Variants in TUSC3 observed in about 807,000 individuals in gnomAD.
TUSC3 encodes tumor suppressor candidate 3.
Under a neutral mutation model 44.8 loss-of-function variants are expected in TUSC3, and 45 were observed. The ratio of observed to expected loss-of-function variants is 1.00; its 90% CI spans 0.79 to 1.29. The LOEUF is 1.29. Ranked by LOEUF, TUSC3 falls within the 50% of genes most tolerant of loss-of-function variation. The pLI is 0.00. For missense variants in TUSC3, 519 were observed against 437.9 expected, an observed-to-expected ratio of 1.19 and a Z score of -1.65; for synonymous variants, 212 against 152.9, an observed-to-expected ratio of 1.39 and a Z score of -2.85.
chr8:15,803,391 C>T, the TUSC3 span, among the ~76,000 whole-genome samples: 25 of 152,122 alleles, frequency 1.6e-4, no homozygotes, highest in African/African-American at 4.8e-4. Flanking sequence ...TTTCAACATG[C>T]GCTATAATTT....
intron 1 of TUSC3, among the ~76,000 whole-genome samples, chr8:15,589,043 A>G (rs765789845): frequency 1.3e-5 from 2 of 152,088 alleles, no homozygotes; most frequent in Non-Finnish European, 2.9e-5. Flanking sequence ...TTCGGAGTGC[A>G]GTTTATCATT....
At chr8:15,788,466 G>A in the TUSC3 span, among the ~76,000 whole-genome samples, 5 of 149,236 alleles carry the variant, frequency 3.4e-5, no homozygotes, top group African/African-American at 5.0e-5. Context: ...AGAATCTCCT[G>A]AACCCAGGAG....
chr8:15,650,425 A>C (rs1183303968), intron 2 of TUSC3, among the ~76,000 whole-genome samples: 3 of 152,194 alleles, frequency 2.0e-5, no homozygotes, highest in Non-Finnish European at 4.4e-5. Flanking sequence ...TGTTGTTACA[A>C]CTTTGCCCTT....
At chr8:15,498,668 A>G (rs1244498913) in intron 2 of TUSC3, among the ~76,000 whole-genome samples, 1 of 152,210 alleles carries the variant, frequency 6.6e-6, no homozygotes, top group Non-Finnish European at 1.5e-5. Context: ...TTGCCTTCTT[A>G]GTCAAGCTCA....
intron 1 of TUSC3, among the ~76,000 whole-genome samples, chr8:15,596,416 T>A (rs369842067): frequency 1.3e-5 from 2 of 152,182 alleles, no homozygotes; most frequent in African/African-American, 4.8e-5. Context: ...AAAGACCCTG[T>A]GTTCCTGGAT....
At chr8:15,447,234 A>G (rs1277894087) in intron 1 of TUSC3, among the ~76,000 whole-genome samples, 2 of 152,194 alleles carry the variant, frequency 1.3e-5, no homozygotes, top group South Asian at 2.1e-4. Context: ...TCATATTTGA[A>G]TAAAGCAACC....
At chr8:15,499,500 A>G (rs1800929500) in intron 2 of TUSC3, among the ~76,000 whole-genome samples, 1 of 152,174 alleles carries the variant, frequency 6.6e-6, no homozygotes, top group Non-Finnish European at 1.5e-5. Flanking sequence ...AGCTTTGCCT[A>G]TATTTGAAGT....
chr8:15,846,956 A>G, the TUSC3 span, among the ~76,000 whole-genome samples: 1 of 151,628 alleles, frequency 6.6e-6, no homozygotes, highest in Non-Finnish European at 1.5e-5. Context: ...TGTTTTCCAC[A>G]CTCCACAGGC....
chr8:15,778,356 C>G, the TUSC3 span, among the ~76,000 whole-genome samples: 1 of 152,086 alleles, frequency 6.6e-6, no homozygotes, highest in Non-Finnish European at 1.5e-5. Flanking sequence ...GAAAAACAGA[C>G]AAGGAGACAA....
the TUSC3 span, among the ~76,000 whole-genome samples, chr8:15,849,209 C>A: frequency 6.6e-6 from 1 of 152,060 alleles, no homozygotes; most frequent in African/African-American, 2.4e-5. Flanking sequence ...TGACGTATTC[C>A]ATATCTAATG....
At chr8:15,811,667 A>C in the TUSC3 span, among the ~76,000 whole-genome samples, 4 of 152,240 alleles carry the variant, frequency 2.6e-5, no homozygotes, top group Admixed American at 1.3e-4. Flanking sequence ...TATGAATTCA[A>C]TTTGGAAAAG....
intron 1 of TUSC3, among the ~76,000 whole-genome samples, chr8:15,561,959 A>G (rs77795606): frequency 1.2e-4 from 19 of 152,090 alleles, no homozygotes; most frequent in South Asian, 2.1e-4. Flanking sequence ...AGAAATCACC[A>G]TCTTCTGCGT....
intron 6 of TUSC3, among the ~76,000 whole-genome samples, chr8:15,688,583 C>G (rs1048642031): frequency 1.3e-5 from 2 of 152,200 alleles, no homozygotes; most frequent in East Asian, 1.9e-4. Flanking sequence ...GATCCTCACC[C>G]TCAAGTATAC....
At chr8:15,645,439 A>G (rs1052301244) in intron 2 of TUSC3, among the ~76,000 whole-genome samples, 2 of 151,782 alleles carry the variant, frequency 1.3e-5, no homozygotes, top group South Asian at 2.1e-4. Context: ...TTTTTTTTAC[A>G]TTCATACTTT....
the TUSC3 span, among the ~76,000 whole-genome samples, chr8:15,843,344 T>C: frequency 6.6e-6 from 1 of 152,154 alleles, no homozygotes; most frequent in Non-Finnish European, 1.5e-5. Flanking sequence ...ATCTTCCCTC[T>C]TGGATATTGT....
At chr8:15,555,205 G>C (rs1802210027) in intron 1 of TUSC3, among the ~76,000 whole-genome samples, 1 of 126,632 alleles carries the variant, frequency 7.9e-6, no homozygotes, top group African/African-American at 3.0e-5. Context: ...GTGGAGTGTA[G>C]TGGTGTGATC....
intron 2 of TUSC3, among the ~76,000 whole-genome samples, chr8:15,504,601 ATATATATATATATATATATATTTTT>A (rs1199783890): frequency 0.014 from 546 of 39,096 alleles, 11 homozygotes; most frequent in African/African-American, 0.065. Flanking sequence ...ATATATATAT[ATATATATATATATATATATATTTTT>A]TTTTTTTTTT....
At chr8:15,528,751 C>T (rs1306175970) in intron 2 of TUSC3, among the ~76,000 whole-genome samples, 2 of 152,128 alleles carry the variant, frequency 1.3e-5, no homozygotes. Context: ...TACAGATTGC[C>T]TGAATTAAAT....
At chr8:15,475,678 T>A (rs1262102233) in intron 1 of TUSC3, among the ~76,000 whole-genome samples, 1 of 152,166 alleles carries the variant, frequency 6.6e-6, no homozygotes, top group African/African-American at 2.4e-5. Context: ...CATAATCATT[T>A]TGGTTTTACA....
Sources: allele counts gnomAD v4.1 joint callset (sites outside exome capture counted in the v4.1 genomes callset), GRCh38; gene constraint gnomAD v4.1.1; transcripts MANE v1.5; gene names NCBI Gene and HGNC (gene_info 2026-07-23, HGNC 2026-07-21).